TMTC1: variants seen among roughly 807,000 people sequenced by gnomAD.
TMTC1 encodes transmembrane O-mannosyltransferase targeting cadherins 1.
TMTC1 carries 73 observed loss-of-function variants against 104.8 expected under a neutral mutation model. The observed-to-expected ratio is 0.70, with a 90% CI of 0.58 to 0.85. TMTC1 has a LOEUF of 0.85. Among genes scored for constraint, TMTC1 ranks in the 40% least tolerant of loss-of-function variants. The pLI, the probability that TMTC1 is intolerant of heterozygous loss-of-function variation, is 0.00. For synonymous variants in TMTC1, 434 were observed against 428.7 expected, an observed-to-expected ratio of 1.01 and a Z score of -0.15; for missense variants, 1,035 against 1,096.1, an observed-to-expected ratio of 0.94 and a Z score of 0.79.
intron 5 of TMTC1, among the ~76,000 whole-genome samples, chr12:29,651,023 T>C (rs1939494830): frequency 6.6e-6 from 1 of 152,258 alleles, no homozygotes; most frequent in Non-Finnish European, 1.5e-5. Context: ...TGTTTGATTT[T>C]CTTCTGAGGC....
chr12:29,685,367 T>C (rs1254782722), intron 5 of TMTC1, among the ~76,000 whole-genome samples: 1 of 136,762 alleles, frequency 7.3e-6, no homozygotes, highest in Non-Finnish European at 1.6e-5. Flanking sequence ...ATTTCCAAAA[T>C]AAAAAAAAAA....
chr12:29,617,257 C>T (rs1353007316), intron 6 of TMTC1, among the ~76,000 whole-genome samples: 1 of 151,950 alleles, frequency 6.6e-6, no homozygotes, highest in Non-Finnish European at 1.5e-5. Context: ...ACGAAGGGAA[C>T]CATCAGACAC....
intron 5 of TMTC1, among the ~76,000 whole-genome samples, chr12:29,696,629 A>T (rs1941432708): frequency 6.6e-6 from 1 of 152,168 alleles, no homozygotes; most frequent in African/African-American, 2.4e-5. Context: ...AGGTTTATTC[A>T]TGTTTTATCA....
chr12:29,699,713 C>T (rs1941529544), intron 5 of TMTC1, among the ~76,000 whole-genome samples: 2 of 130,070 alleles, frequency 1.5e-5, no homozygotes, highest in South Asian at 2.4e-4. Flanking sequence ...AGTGCTGTGG[C>T]GCTACCACAG....
intron 10 of TMTC1, among the ~76,000 whole-genome samples, chr12:29,551,723 A>T (rs1051819804): frequency 5.9e-5 from 9 of 151,948 alleles, no homozygotes; most frequent in Non-Finnish European, 1.5e-5. Context: ...CTGTTGAGCC[A>T]TCAGGGACTT....
At chr12:29,734,867 C>A (rs1242946086) in intron 5 of TMTC1, among the ~76,000 whole-genome samples, 2 of 152,132 alleles carry the variant, frequency 1.3e-5, no homozygotes, top group African/African-American at 4.8e-5. Flanking sequence ...AAAGTGATTG[C>A]CTGGGACTGC....
At chr12:29,512,196 C>A in intron 16 of TMTC1, 76 bp from the exon 17 acceptor site, 3 of 1,232,444 alleles carry the variant, frequency 2.4e-6, no homozygotes, top group South Asian at 2.9e-5. Flanking sequence ...ACTTTCTTCA[C>A]GTGTGAAAAT....
intron 11 of TMTC1, chr12:29,533,718 T>C (rs1015265328): frequency 8.5e-5 from 13 of 152,150 alleles, no homozygotes; most frequent in African/African-American, 3.1e-4. Flanking sequence ...TAACTAAAAC[T>C]ATTATCAAGT....
chr12:29,560,808 C>T (rs190295471), intron 9 of TMTC1, among the ~76,000 whole-genome samples: 306 of 152,208 alleles, frequency 2.0e-3, no homozygotes, highest in African/African-American at 6.9e-3. Flanking sequence ...CATCATTCCT[C>T]TCATCTTATC....
chr12:29,778,166 A>G (rs1175650547), intron 1 of TMTC1, among the ~76,000 whole-genome samples: 2 of 152,230 alleles, frequency 1.3e-5, no homozygotes, highest in Admixed American at 1.3e-4. Flanking sequence ...GAAGCTCTTA[A>G]TAAAATAAAG....
In TMTC1 at chr12:29,783,220, C is replaced by A. The variant is rs118012339; in HGVS notation, c.302+230G>T. On this transcript the variant is annotated intron_variant, in intron 1 of 17. Transcript: ENST00000539277. The surrounding 1 kb of genome is among the most constrained non-coding windows in gnomAD (Gnocchi z 4.7). ...TGAGAGGGCAGACAGTTGAGAAACT[C>A]GATCCCAACTCCCCAGCCGGCGCCT... Among the ~76,000 whole-genome samples the A allele has an allele frequency of 1.8e-4, 28 of 152,284 alleles. No individual in the cohort carries two copies. The East Asian group carries it at 4.8e-3, about 26-fold the overall frequency.
chr12:29,632,483 C>T (rs571170374), intron 6 of TMTC1, among the ~76,000 whole-genome samples: 1 of 152,240 alleles, frequency 6.6e-6, no homozygotes. Context: ...AAGGGGCTTT[C>T]CCCTTCCCCT....
intron 6 of TMTC1, among the ~76,000 whole-genome samples, chr12:29,624,620 C>G (rs1190606907): frequency 6.6e-6 from 1 of 152,200 alleles, no homozygotes; most frequent in African/African-American, 2.4e-5. Flanking sequence ...TTGGAATGCT[C>G]TTCCCCAAAC....
chr12:29,715,706 T>C (rs1942057288), intron 5 of TMTC1, among the ~76,000 whole-genome samples: 1 of 152,126 alleles, frequency 6.6e-6, no homozygotes, highest in Non-Finnish European at 1.5e-5. Context: ...TTTAATTGAC[T>C]CAGAGTTCCA....
At chr12:29,627,249 T>C (rs1938048553) in intron 6 of TMTC1, among the ~76,000 whole-genome samples, 2 of 152,294 alleles carry the variant, frequency 1.3e-5, no homozygotes, top group East Asian at 3.9e-4. Context: ...AAATAATTCT[T>C]TACAACTCAA....
At chr12:29,630,458 T>C (rs2194820) in intron 6 of TMTC1, among the ~76,000 whole-genome samples, 133,076 of 152,118 alleles carry the variant, frequency 0.87, 58,374 homozygotes, top group East Asian at 0.97. Flanking sequence ...TTACCTCTCA[T>C]GGGGTCCCTC....
At chr12:29,727,455 C>A (rs1942426419) in intron 5 of TMTC1, among the ~76,000 whole-genome samples, 1 of 152,154 alleles carries the variant, frequency 6.6e-6, no homozygotes, top group East Asian at 1.9e-4. Context: ...TGGCTCACTG[C>A]AAGCTCCGCC....
intron 5 of TMTC1, among the ~76,000 whole-genome samples, chr12:29,657,422 G>A (rs536657082): frequency 6.6e-6 from 1 of 152,292 alleles, no homozygotes; most frequent in South Asian, 2.1e-4. Context: ...AGCTGGGTTA[G>A]AGAAGTCAAG....
intron 5 of TMTC1, among the ~76,000 whole-genome samples, chr12:29,749,023 A>T (rs1477823931): frequency 6.6e-6 from 1 of 152,174 alleles, no homozygotes; most frequent in Non-Finnish European, 1.5e-5. Flanking sequence ...GACAGCTCTC[A>T]CAACTCCATG....
Sources: gnomAD v4.1 joint callset for allele counts (sites outside exome capture counted in the v4.1 genomes callset) on GRCh38, gnomAD v4.1.1 for gene constraint, Gnocchi (gnomAD v3.1) non-coding constraint, MANE v1.5 for transcripts, NCBI Gene and HGNC (gene_info 2026-07-23, HGNC 2026-07-21) for gene names.